RGS12: variants seen among roughly 807,000 people sequenced by gnomAD.
The protein encoded by RGS12 is regulator of G-protein signaling 12.
Under a neutral mutation model 120.1 loss-of-function variants are expected in RGS12, and 66 were observed. That is an observed-to-expected ratio of 0.55 (90% CI 0.45 to 0.67). The LOEUF (loss-of-function observed/expected upper bound fraction) is 0.67. Ranked by LOEUF, RGS12 falls within the 30% of genes least tolerant of loss-of-function variation. The probability of loss-of-function intolerance (pLI) is 0.00; values close to 1 mark genes in which losing one functional copy is unlikely to be tolerated. For missense variants in RGS12, 1,859 were observed against 1,957.7 expected (o/e 0.95, Z 0.95); for synonymous variants, 827 against 804.7 (o/e 1.03, Z -0.47).
intron 3 of RGS12, chr4:3,370,142 T>C: frequency 6.6e-7 from 1 of 1,521,734 alleles, no homozygotes; most frequent in Non-Finnish European, 8.9e-7. Context: ...CCTGTTGCCA[T>C]GGGTTACGAA....
rs75445063 is a variant in RGS12 at position 3,366,077 on chromosome 4, TGGTG to T, written c.1999-20336_1999-20333del. Among the ~76,000 whole-genome samples, 380 of 152,030 alleles carry T rather than the reference TGGTG, an allele frequency of 2.5e-3. 3 individuals are homozygous for T. Among genetic ancestry groups the T allele is most frequent in the Middle Eastern group, 0.01 (3 of 292 alleles). ...CTGTGAGCAGCTGCAGGCCAGGCAG[TGGTG>T]GGACCTCATCTGGGGGGTGCTGGCC... On this transcript the variant is annotated intron_variant, in intron 3 of 17. Coordinates refer to ENST00000336727, the MANE Select transcript of RGS12 (RefSeq NM_001394154.1). This position sits in a 1 kb window ranked among gnomAD's most constrained non-coding sequence, Gnocchi z 4.0.
chr4:3,380,456 CTGTG>C (rs1718141806), intron 3 of RGS12, among the ~76,000 whole-genome samples: 1 of 152,216 alleles, frequency 6.6e-6, no homozygotes, highest in Non-Finnish European at 1.5e-5. Context: ...AGTGGGGACT[CTGTG>C]TGGGGACTCT....
At chr4:3,409,968 G>T (rs114177053) in intron 4 of RGS12, among the ~76,000 whole-genome samples, 70 of 152,342 alleles carry the variant, frequency 4.6e-4, no homozygotes, top group Non-Finnish European at 8.8e-4. Flanking sequence ...GCTCCGTGCT[G>T]GCTCCCTGCT....
At chr4:3,331,785 A>G (rs1422704973) in intron 2 of RGS12, among the ~76,000 whole-genome samples, 1 of 152,210 alleles carries the variant, frequency 6.6e-6, no homozygotes, top group African/African-American at 2.4e-5. Flanking sequence ...GACACTGGGC[A>G]GCGGCACTCG....
At chr4:3,312,792 G>T in intron 1 of RGS12, 2 of 213,056 alleles carry the variant, frequency 9.4e-6, no homozygotes, top group South Asian at 1.9e-4. Context: ...GCCGAAATCA[G>T]AGCAATTTAA....
chr4:3,427,467 G>T lies in RGS12; in HGVS notation c.3332-623G>T, dbSNP rs183430754. Among the ~76,000 whole-genome samples, 408 of 152,370 alleles carry T rather than the reference G, an allele frequency of 2.7e-3. 4 individuals are homozygous for T. The highest frequency in any genetic ancestry group is 0.014 in the Middle Eastern group (4 of 294). ...AAAATATGTCATGGACTGGCACAGT[G>T]GCTCATGCCTGTAATCCCAGCACTT... On this transcript the variant is annotated intron_variant, in intron 14 of 17. Transcript: ENST00000336727.
intron 3 of RGS12, among the ~76,000 whole-genome samples, chr4:3,362,762 TGA>T (rs1715795196): frequency 7.5e-6 from 1 of 133,898 alleles, no homozygotes; most frequent in African/African-American, 2.9e-5. Context: ...TGTGAAGATG[TGA>T]GGGTGTGAGT....
chr4:3,401,785 G>A (rs1720614234), intron 4 of RGS12, among the ~76,000 whole-genome samples: 1 of 152,282 alleles, frequency 6.6e-6, no homozygotes, highest in Admixed American at 6.5e-5. Context: ...TCGTGAGAAG[G>A]AGGCGGTGGC....
intron 3 of RGS12, among the ~76,000 whole-genome samples, chr4:3,357,010 A>T (rs1714960391): frequency 6.6e-6 from 1 of 152,166 alleles, no homozygotes; most frequent in African/African-American, 2.4e-5. Context: ...ATTCCTAATG[A>T]CAGTGCACAA....
chr4:3,431,440 G>A (rs564063938), intron 17 of RGS12: 1 of 997,612 alleles, frequency 1.0e-6, no homozygotes, highest in South Asian at 4.4e-5. Context: ...GAAGAGCCTT[G>A]AGAGTGCAGC....
chr4:3,331,580 C>T (rs1387672073), intron 2 of RGS12, among the ~76,000 whole-genome samples: 1 of 151,718 alleles, frequency 6.6e-6, no homozygotes, highest in African/African-American at 2.4e-5. Flanking sequence ...GCTGCTTTTC[C>T]AGTACAATGA....
rs533443084 is a variant in RGS12 at position 3,411,313 on chromosome 4, G to A, written c.2021-2759G>A. Among the ~76,000 whole-genome samples the A allele has an allele frequency of 3.9e-5, 6 of 152,032 alleles. No individual in the cohort carries two copies. The South Asian group carries it at 1.0e-3, about 26-fold the overall frequency. ...CACCGATGCTGTCCCCTGCGTGTTC[G>A]GGATTGTGGTCTGTGTGTGTTCTCG... On this transcript the variant is annotated intron_variant, in intron 4 of 17. Coordinates refer to ENST00000336727, the MANE Select transcript of RGS12 (RefSeq NM_001394154.1).
intron 14 of RGS12, among the ~76,000 whole-genome samples, chr4:3,427,422 TG>T (rs1723772158): frequency 6.6e-6 from 1 of 152,188 alleles, no homozygotes; most frequent in South Asian, 2.1e-4. Flanking sequence ...GGCCCTGGCA[TG>T]GGGCAAAGGC....
At chr4:3,375,249 C>T (rs1717520799) in intron 3 of RGS12, among the ~76,000 whole-genome samples, 1 of 145,024 alleles carries the variant, frequency 6.9e-6, no homozygotes, top group South Asian at 2.2e-4. Context: ...TCATCTCCAG[C>T]CCTCATCTCC....
intron 3 of RGS12, among the ~76,000 whole-genome samples, chr4:3,373,056 C>T (rs1047357363): frequency 6.6e-6 from 1 of 152,060 alleles, no homozygotes; most frequent in Non-Finnish European, 1.5e-5. Flanking sequence ...GACCTGGCAG[C>T]GAGGCTCGAG....
chr4:3,418,805 C>T (rs1159521068), intron 9 of RGS12: 1 of 152,040 alleles, frequency 6.6e-6, no homozygotes, highest in Non-Finnish European at 1.5e-5. Flanking sequence ...TCCCGAGTAC[C>T]TGGGAGATGG....
chr4:3,402,468 TC>T (rs1424381950), intron 4 of RGS12, among the ~76,000 whole-genome samples: 5 of 152,176 alleles, frequency 3.3e-5, no homozygotes, highest in Non-Finnish European at 7.3e-5. Flanking sequence ...TGCCCTTTCG[TC>T]CTCTCTATCC....
At chr4:3,364,804 G>C (rs562967860) in intron 3 of RGS12, among the ~76,000 whole-genome samples, 51 of 152,248 alleles carry the variant, frequency 3.3e-4, no homozygotes, top group African/African-American at 1.1e-3. Context: ...TGGGGGCCTT[G>C]GCTGATTTCC....
At chr4:3,303,016 C>T (rs563767124) in intron 1 of RGS12, among the ~76,000 whole-genome samples, 1 of 152,286 alleles carries the variant, frequency 6.6e-6, no homozygotes, top group South Asian at 2.1e-4. Flanking sequence ...GGAGCTGCTG[C>T]AGAAGCCACG....
Sources: gnomAD v4.1 joint callset for allele counts (sites outside exome capture counted in the v4.1 genomes callset) on GRCh38, gnomAD v4.1.1 for gene constraint, Gnocchi (gnomAD v3.1) non-coding constraint, MANE v1.5 for transcripts, NCBI Gene and HGNC (gene_info 2026-07-23, HGNC 2026-07-21) for gene names.